The following ZRANB3 variants were observed in gnomAD, a reference collection of about 807,000 sequenced individuals.
ZRANB3 encodes zinc finger RANBP2-type containing 3.
ZRANB3 carries 125 observed loss-of-function variants against 133.8 expected under a neutral mutation model. The ratio of observed to expected loss-of-function variants is 0.93; its 90% CI spans 0.81 to 1.08. ZRANB3 has a LOEUF of 1.08. ZRANB3 is among the 50% of genes least tolerant of loss of function. The probability of loss-of-function intolerance (pLI) is 0.00; values close to 1 mark genes in which losing one functional copy is unlikely to be tolerated. For missense variants in ZRANB3, 1,229 were observed against 1,275.5 expected (o/e 0.96, Z 0.56); for synonymous variants, 387 against 432.7 (o/e 0.89, Z 1.31).
chr2:135,350,261 G>A (rs188475285), intron 4 of ZRANB3, 46 bp from the exon 5 acceptor site: 290 of 1,402,008 alleles, frequency 2.1e-4, no homozygotes, highest in Non-Finnish European at 2.7e-4. Context: ...CAGTAATGAC[G>A]TTATCATGAA....
chr2:135,265,566 C>T lies in ZRANB3; in HGVS notation c.1507G>A (p.Glu503Lys), dbSNP rs760308894. 1.2e-6 allele frequency: 2 copies of T among 1,613,658 alleles called. No homozygotes were observed. The highest frequency in any genetic ancestry group is 1.7e-6 in the Non-Finnish European group (2 of 1,179,766). Residue 503 changes from glutamate (E) to lysine (K), a missense_variant, in exon 12 of 21, where the codon GAA (glutamate) becomes AAA (lysine). Physicochemically the swap from Glu to Lys is moderately conservative, Grantham distance 56. Transcript: ENST00000264159. ...AACAAAGCTTCCTTCCTTAACTCTTCAGAACTGTCATTTGGAGTCCAAGCT... is the reference window on the plus strand; with the variant it reads ...AACAAAGCTTCCTTCCTTAACTCTTTAGAACTGTCATTTGGAGTCCAAGCT... ...AEAWTPNDSS[E>K]ELRKEALFTH...
intron 2 of ZRANB3, among the ~76,000 whole-genome samples, chr2:135,479,649 G>A (rs1190610686): frequency 4.6e-5 from 7 of 151,844 alleles, no homozygotes; most frequent in Admixed American, 4.6e-4. Context: ...CTGGGTGACA[G>A]AGCGAGACTA....
chr2:135,390,020 A>AC (rs1374452464), intron 3 of ZRANB3, among the ~76,000 whole-genome samples: 5 of 150,784 alleles, frequency 3.3e-5, no homozygotes, highest in African/African-American at 1.2e-4. Context: ...AGCTGGGACT[A>AC]CAGATGCCTG....
intron 17 of ZRANB3, among the ~76,000 whole-genome samples, chr2:135,210,858 G>C (rs772916870): frequency 1.4e-4 from 22 of 152,062 alleles, no homozygotes; most frequent in Non-Finnish European, 1.2e-4. Context: ...GTGAAACCCT[G>C]TCTCTACTAA....
intron 2 of ZRANB3, among the ~76,000 whole-genome samples, chr2:135,469,033 G>A (rs1691130829): frequency 6.6e-6 from 1 of 152,110 alleles, no homozygotes; most frequent in South Asian, 2.1e-4. Flanking sequence ...TCCAAGGAAT[G>A]ATCACTATAG....
intron 12 of ZRANB3, among the ~76,000 whole-genome samples, chr2:135,260,709 TTGAC>T (rs926503533): frequency 6.8e-6 from 1 of 146,320 alleles, no homozygotes; most frequent in African/African-American, 2.5e-5. Context: ...GAATATATTA[TTGAC>T]TATTATATAT....
chr2:135,231,907 C>T (rs1236372239), intron 12 of ZRANB3, among the ~76,000 whole-genome samples: 1 of 152,146 alleles, frequency 6.6e-6, no homozygotes, highest in South Asian at 2.1e-4. Flanking sequence ...AACTGAGGTA[C>T]CAGGTTCATC....
chr2:135,345,231 A>T, intron 6 of ZRANB3: 1 of 189,466 alleles, frequency 5.3e-6, no homozygotes, highest in Non-Finnish European at 1.1e-5. Context: ...ACACTGGAAT[A>T]AAGAATGATT....
intron 7 of ZRANB3, among the ~76,000 whole-genome samples, chr2:135,314,735 A>G (rs544163299): frequency 5.7e-4 from 86 of 151,400 alleles, no homozygotes; most frequent in South Asian, 1.9e-3. Flanking sequence ...TGGGTTTCAC[A>G]CCTTCTATTT....
chr2:135,233,588 G>A (rs57011902), intron 12 of ZRANB3, among the ~76,000 whole-genome samples: 24 of 152,298 alleles, frequency 1.6e-4, no homozygotes, highest in South Asian at 2.1e-4. Flanking sequence ...GACTAACAGC[G>A]GATCTCTTGG....
intron 2 of ZRANB3, among the ~76,000 whole-genome samples, chr2:135,471,624 G>A (rs1201938334): frequency 6.6e-6 from 1 of 152,090 alleles, no homozygotes. Context: ...ATTAGGCAGT[G>A]ATTTTGCAAC....
At chr2:135,486,351 A>C (rs1385097703) in intron 2 of ZRANB3, among the ~76,000 whole-genome samples, 4 of 152,172 alleles carry the variant, frequency 2.6e-5, no homozygotes, top group Non-Finnish European at 5.9e-5. Flanking sequence ...CCAAGAATAG[A>C]TTCCATCTCA....
At chr2:135,510,565 C>T in intron 1 of ZRANB3, 1 of 695,744 alleles carries the variant, frequency 1.4e-6, no homozygotes, top group South Asian at 1.6e-5. Context: ...TGGAGCAAGC[C>T]TTCTTCCCAC....
intron 6 of ZRANB3, among the ~76,000 whole-genome samples, chr2:135,325,728 T>C (rs1033733670): frequency 1.3e-5 from 2 of 152,094 alleles, no homozygotes; most frequent in African/African-American, 4.8e-5. Context: ...GAAGAAAGTG[T>C]GTTAGAATAT....
chr2:135,282,340 A>G (rs575743327), intron 8 of ZRANB3, among the ~76,000 whole-genome samples: 1 of 152,324 alleles, frequency 6.6e-6, no homozygotes, highest in Admixed American at 6.5e-5. Flanking sequence ...CCCCTTTGCC[A>G]ATAGTTTTTA....
At chr2:135,313,360 A>C (rs1034933492) in intron 8 of ZRANB3, 129 bp downstream of exon 8, 1 of 622,594 alleles carries the variant, frequency 1.6e-6, no homozygotes, top group African/African-American at 1.9e-5. Context: ...ACTCAAAAAA[A>C]AAAAAAAAAA....
At chr2:135,428,426 C>CAAAA (rs34645774) in intron 2 of ZRANB3, among the ~76,000 whole-genome samples, 3 of 75,230 alleles carry the variant, frequency 4.0e-5, no homozygotes, top group Admixed American at 3.0e-4. Flanking sequence ...ACTTTGTTTC[C>CAAAA]AAAAAAAAAA....
At chr2:135,477,205 G>A (rs977928083) in intron 2 of ZRANB3, among the ~76,000 whole-genome samples, 2 of 152,110 alleles carry the variant, frequency 1.3e-5, no homozygotes, top group Non-Finnish European at 2.9e-5. Flanking sequence ...GAAAGAGGGA[G>A]AAAGAAGGAT....
chr2:135,334,588 A>AT (rs1028702877), intron 6 of ZRANB3, among the ~76,000 whole-genome samples: 14 of 151,592 alleles, frequency 9.2e-5, no homozygotes, highest in Middle Eastern at 3.4e-3. Context: ...CATGAGAGAC[A>AT]TTTTTTTTTA....
Sources: gnomAD v4.1 joint callset for allele counts (sites outside exome capture counted in the v4.1 genomes callset) on GRCh38, gnomAD v4.1.1 for gene constraint, MANE v1.5 for transcripts, NCBI Gene and HGNC (gene_info 2026-07-23, HGNC 2026-07-21) for gene names.